The following NCAPG2 variants were observed in gnomAD, a reference collection of about 807,000 sequenced individuals.
NCAPG2 encodes the protein non-SMC condensin II complex subunit G2, also known as condensin-2 complex subunit G2.
A neutral mutation model predicts 141.1 loss-of-function variants in NCAPG2; 53 were observed. The ratio of observed to expected loss-of-function variants is 0.38; its 90% confidence interval spans 0.30 to 0.47. The LOEUF (loss-of-function observed/expected upper bound fraction) is 0.47. Ranked by LOEUF, NCAPG2 falls within the 20% of genes least tolerant of loss-of-function variation. The probability of loss-of-function intolerance (pLI) is 0.99; values close to 1 mark genes in which losing one functional copy is unlikely to be tolerated. For synonymous variants in NCAPG2, 499 were observed against 490.7 expected (o/e 1.02, Z -0.22); for missense variants, 1,087 against 1,389.0 (o/e 0.78, Z 3.46).
intron 24 of NCAPG2, among the ~76,000 whole-genome samples, chr7:158,647,617 CT>C (rs1831126141): frequency 6.6e-6 from 1 of 152,152 alleles, no homozygotes; most frequent in South Asian, 2.1e-4. Context: ...TATCCTACCC[CT>C]GTATCTCTCC....
intron 26 of NCAPG2, 91 bp from the exon 27 acceptor site, chr7:158,644,479 G>T: frequency 9.1e-7 from 1 of 1,094,982 alleles, no homozygotes; most frequent in Non-Finnish European, 1.4e-6. Context: ...ACTTCCCTAA[G>T]CTGGGCCTCC....
At chr7:158,679,866 G>A (rs983536940) in intron 11 of NCAPG2, 94 bp downstream of exon 11, 17 of 1,465,582 alleles carry the variant, frequency 1.2e-5, no homozygotes, top group African/African-American at 1.4e-5. Flanking sequence ...AGCTCTGGCG[G>A]TTACAGGGGA....
intron 11 of NCAPG2, among the ~76,000 whole-genome samples, chr7:158,677,525 C>CAAAAAAAAAAAAAAAAAAAAAAAAAGA: frequency 3.3e-5 from 3 of 90,404 alleles, no homozygotes; most frequent in Non-Finnish European, 6.4e-5. Context: ...AAAAATAAAG[C>CAAAAAAAAAAAAAAAAAAAAAAAAAGA]AAAAAAAAAA....
intron 26 of NCAPG2, 23 bp downstream of exon 26, chr7:158,645,496 T>A: frequency 6.2e-7 from 1 of 1,604,766 alleles, no homozygotes; most frequent in Non-Finnish European, 8.5e-7. Flanking sequence ...ACCTTCCAGA[T>A]GACAGAGGGG....
intron 9 of NCAPG2, 92 bp downstream of exon 9, chr7:158,683,208 T>C (rs1470653465): frequency 8.9e-7 from 1 of 1,127,426 alleles, no homozygotes; most frequent in South Asian, 1.7e-5. Context: ...CTGATGTCTG[T>C]GAAAGCTTAA....
chr7:158,646,471 C>T lies in NCAPG2; in HGVS notation c.3168G>A (p.Ser1056=), dbSNP rs192363025. ...GAGAAAGTGATTACCTGACCACATT[C>T]GAAGACTTTATTATTATTCCTATTA... The part of the protein sequence containing the change: ...RCLIGIIIKS[S]NVVRSFLDEL... The change falls in exon 25 of 28, where the codon TCG becomes TCA. Residue 1056 remains serine (S), a synonymous_variant. Transcript: ENST00000356309. 3,941 of 1,599,408 alleles carry T rather than the reference C, an allele frequency of 2.5e-3. 13 individuals carry two copies. The highest frequency in any genetic ancestry group is 2.9e-3 in the Non-Finnish European group (3,462 of 1,174,082).
chr7:158,670,753 C>G (rs1244098411), intron 13 of NCAPG2, among the ~76,000 whole-genome samples: 1 of 152,182 alleles, frequency 6.6e-6, no homozygotes, highest in African/African-American at 2.4e-5. Flanking sequence ...AAAAGTTCCT[C>G]CTTGTTCTTT....
chr7:158,690,745 T>A lies in NCAPG2; in HGVS notation c.383-23A>T, dbSNP rs757874602. The A allele has an allele frequency of 2.5e-6, 4 of 1,604,350 alleles. No individual in the cohort carries two copies. In the East Asian group the frequency reaches 8.9e-5, roughly 36 times the overall value. The stretch of plus-strand genomic sequence containing the variant: ...TACCTAAAATACAGCACAGTAATTT[T>A]CCAATTAGTAAGGCAAATTCTTATT... On this transcript the variant is annotated intron_variant, in intron 4 of 27. Transcript: ENST00000356309.
At chr7:158,692,379 C>G (rs1220582110) in intron 4 of NCAPG2, among the ~76,000 whole-genome samples, 1 of 152,152 alleles carries the variant, frequency 6.6e-6, no homozygotes, top group African/African-American at 2.4e-5. Flanking sequence ...CCTATTCTAG[C>G]TGAAGAAAAA....
At chr7:158,668,690 A>T (rs1833463719) in intron 13 of NCAPG2, among the ~76,000 whole-genome samples, 1 of 152,244 alleles carries the variant, frequency 6.6e-6, no homozygotes, top group African/African-American at 2.4e-5. Flanking sequence ...AAATTAAAAC[A>T]AAAAAAGTAA....
At chr7:158,663,197 T>C (rs1832658606) in intron 15 of NCAPG2, among the ~76,000 whole-genome samples, 1 of 152,114 alleles carries the variant, frequency 6.6e-6, no homozygotes, top group Admixed American at 6.5e-5. Context: ...CTCTAACGTA[T>C]ACTGAGGGAG....
At chr7:158,655,567 C>A in intron 19 of NCAPG2, 112 bp from the exon 20 acceptor site, 2 of 802,210 alleles carry the variant, frequency 2.5e-6, no homozygotes, top group Non-Finnish European at 2.0e-6. Context: ...AAAAGACCCC[C>A]GCTCTGGTGA....
At chr7:158,669,184 G>A (rs1423830641) in intron 13 of NCAPG2, among the ~76,000 whole-genome samples, 2 of 152,136 alleles carry the variant, frequency 1.3e-5, no homozygotes, top group Non-Finnish European at 2.9e-5. Context: ...AGGGCATTTA[G>A]GTTGGTTCCA....
intron 19 of NCAPG2, 49 bp from the exon 20 acceptor site, chr7:158,655,504 C>T (rs1034695663): frequency 6.9e-7 from 1 of 1,452,452 alleles, no homozygotes; most frequent in South Asian, 1.1e-5. Context: ...CAAGGCACCA[C>T]CACACCCCGT....
Position 158,633,152 on chromosome 7 carries a change from C to T in NCAPG2, c.3381-1435G>A, listed in dbSNP as rs1327417072. ...TAAGCTCTGGGGAATTTTTTCCTATCGTTGTTGAATCACTGCTTCTCCTTG... is the reference window on the plus strand; with the variant it reads ...TAAGCTCTGGGGAATTTTTTCCTATTGTTGTTGAATCACTGCTTCTCCTTG... On this transcript the variant is annotated intron_variant, in intron 27 of 27. Transcript: ENST00000356309. This position sits in a 1 kb window ranked among gnomAD's most constrained non-coding sequence, Gnocchi z 4.1. 2.0e-5 allele frequency among the ~76,000 whole-genome samples: 3 copies of T among 151,988 alleles called. No homozygotes were observed. The highest frequency in any genetic ancestry group is 7.2e-5 in the African/African-American group (3 of 41,384).
At chr7:158,637,450 C>T (rs139855885) in intron 27 of NCAPG2, among the ~76,000 whole-genome samples, 38 of 152,144 alleles carry the variant, frequency 2.5e-4, no homozygotes, top group Non-Finnish European at 3.8e-4. Flanking sequence ...CCGTAAGGCC[C>T]CCCTTTCTCC....
At chr7:158,655,494 C>G (rs773482394) in intron 19 of NCAPG2, 39 bp from the exon 20 acceptor site, 3 of 1,520,996 alleles carry the variant, frequency 2.0e-6, no homozygotes, top group Non-Finnish European at 2.7e-6. Context: ...TGCTGACTGA[C>G]AAGGCACCAC....
chr7:158,689,797 C>A (rs747307675), intron 6 of NCAPG2, 22 bp downstream of exon 6: 4 of 1,546,546 alleles, frequency 2.6e-6, no homozygotes, highest in South Asian at 2.4e-5. Context: ...ACAAACAGAT[C>A]AAAAAACAAA....
intron 4 of NCAPG2, 99 bp downstream of exon 4, chr7:158,692,743 A>G (rs1300915054): frequency 3.7e-5 from 34 of 914,648 alleles, no homozygotes; most frequent in Non-Finnish European, 3.1e-5. Context: ...CTCCGTCTCA[A>G]AAAAAATAAA....
Sources: gnomAD v4.1 joint callset for allele counts (sites outside exome capture counted in the v4.1 genomes callset) on GRCh38, gnomAD v4.1.1 for gene constraint, Gnocchi (gnomAD v3.1) non-coding constraint, MANE v1.5 for transcripts, NCBI Gene and HGNC (gene_info 2026-07-23, HGNC 2026-07-21) for gene names.